The following TRIO variants were observed in gnomAD, a reference collection of about 807,000 sequenced individuals.
TRIO encodes trio Rho guanine nucleotide exchange factor.
A neutral mutation model predicts 351.9 loss-of-function variants in TRIO; 58 were observed. That is an observed-to-expected ratio of 0.16 (90% confidence interval 0.13 to 0.21). The LOEUF is 0.21. TRIO is among the 10% of genes least tolerant of loss of function. The pLI, the probability that TRIO is intolerant of heterozygous loss-of-function variation, is 1.00. For synonymous variants in TRIO, 1,758 were observed against 1,595.7 expected, an observed-to-expected ratio of 1.10 and a Z score of -2.42; for missense variants, 3,201 against 4,027.8, an observed-to-expected ratio of 0.79 and a Z score of 5.56.
intron 1 of TRIO, among the ~76,000 whole-genome samples, chr5:14,222,537 G>A (rs917058586): frequency 6.6e-6 from 1 of 152,164 alleles, no homozygotes; most frequent in Non-Finnish European, 1.5e-5. Context: ...AATAAAAGAA[G>A]CTGGGAAGCT....
At chr5:14,370,774 A>G (rs765811120) in intron 18 of TRIO, among the ~76,000 whole-genome samples, 4 of 152,118 alleles carry the variant, frequency 2.6e-5, no homozygotes, top group Admixed American at 2.6e-4. Context: ...ACATGTCCCT[A>G]CTGCTTAAGT....
Position 14,364,688 on chromosome 5 carries a change from A to C in TRIO, c.2626A>C (p.Thr876Pro). ...LLCDRDVDMA[T>P]RVQDLLEFLH... ...GTGTGATAGAGATGTAGACATGGCA[A>C]CTCGGGTCCAGGACCTGCTGGAGTT... Residue 876 changes from threonine (T) to proline (P), a missense_variant, in exon 15 of 57, where the codon ACT becomes CCT. Coordinates refer to ENST00000344204, the MANE Select transcript of TRIO (RefSeq NM_007118.4). The C allele has an allele frequency of 6.2e-7, 1 of 1,613,896 alleles. No homozygotes were observed. The highest frequency in any genetic ancestry group is 8.5e-7 in the Non-Finnish European group (1 of 1,180,014).
intron 33 of TRIO, among the ~76,000 whole-genome samples, chr5:14,412,852 G>A (rs1749315732): frequency 6.6e-6 from 1 of 152,212 alleles, no homozygotes; most frequent in Non-Finnish European, 1.5e-5. Context: ...GCAATCAAAA[G>A]CGAGGATGTA....
chr5:14,381,870 G>C (rs1206946449), intron 21 of TRIO, among the ~76,000 whole-genome samples: 2 of 152,198 alleles, frequency 1.3e-5, no homozygotes, highest in Admixed American at 1.3e-4. Context: ...CCATATGTGT[G>C]AGTAAATATG....
intron 25 of TRIO, among the ~76,000 whole-genome samples, chr5:14,389,767 G>A (rs1746883758): frequency 6.6e-6 from 1 of 152,176 alleles, no homozygotes; most frequent in African/African-American, 2.4e-5. Context: ...TATAGTAAGA[G>A]AAAGGAACTG....
At position 14,498,719 on chromosome 5, in the gene TRIO, C is replaced by G. The variant is rs942884898; in HGVS notation, c.8332+79C>G. Reference sequence around the variant, plus strand: ...GAGTCTCCTTAAGTCCTGAGTCTGCCCTTACACTCCAAGTGGCCTGAAAGA... The same window carrying G: ...GAGTCTCCTTAAGTCCTGAGTCTGCGCTTACACTCCAAGTGGCCTGAAAGA... On this transcript the variant is annotated intron_variant, in intron 53 of 56. Transcript: ENST00000344204. 118 of 1,571,474 alleles carry G rather than the reference C, an allele frequency of 7.5e-5. 2 individuals carry two copies. In the East Asian group the frequency reaches 2.6e-3, roughly 35 times the overall value.
chr5:14,378,152 C>T, intron 20 of TRIO, 25 bp downstream of exon 20: 2 of 1,567,772 alleles, frequency 1.3e-6, no homozygotes, highest in South Asian at 1.1e-5. Flanking sequence ...GGTGCCCAGC[C>T]TCCCCCTAAA....
intron 35 of TRIO, among the ~76,000 whole-genome samples, chr5:14,461,866 G>T (rs2126502024): frequency 6.6e-6 from 1 of 152,348 alleles, no homozygotes; most frequent in East Asian, 1.9e-4. Context: ...TGTTGACCCA[G>T]TAGTAAACAT....
At chr5:14,424,326 A>G (rs1400573226) in intron 34 of TRIO, among the ~76,000 whole-genome samples, 2 of 152,172 alleles carry the variant, frequency 1.3e-5, no homozygotes, top group African/African-American at 4.8e-5. Context: ...AAATATGTCT[A>G]GAAGAAAACA....
chr5:14,301,152 T>C (rs772998521), intron 7 of TRIO, among the ~76,000 whole-genome samples: 40 of 152,118 alleles, frequency 2.6e-4, no homozygotes, highest in Non-Finnish European at 5.1e-4. Flanking sequence ...CTGTTAATTA[T>C]TTATCCAAGT....
intron 17 of TRIO, 109 bp downstream of exon 17, chr5:14,369,008 G>T (rs1744842943): frequency 7.4e-7 from 1 of 1,357,170 alleles, no homozygotes; most frequent in African/African-American, 1.4e-5. Context: ...GAAACAATCA[G>T]TTGCCAGTCA....
intron 1 of TRIO, among the ~76,000 whole-genome samples, chr5:14,234,573 C>T (rs1463273402): frequency 6.6e-6 from 1 of 152,078 alleles, no homozygotes; most frequent in Non-Finnish European, 1.5e-5. Context: ...TCTGTACTTA[C>T]AGAAGCAATA....
chr5:14,184,319 G>T (rs1405455939), intron 1 of TRIO, among the ~76,000 whole-genome samples: 1 of 152,246 alleles, frequency 6.6e-6, no homozygotes, highest in African/African-American at 2.4e-5. Flanking sequence ...AGCTGCTGCA[G>T]TGATGTGTCC....
At chr5:14,427,592 G>A (rs887166698) in intron 34 of TRIO, among the ~76,000 whole-genome samples, 58 of 152,246 alleles carry the variant, frequency 3.8e-4, no homozygotes, top group African/African-American at 1.3e-3. Flanking sequence ...CCCACCCAGG[G>A]CAGTTGACAG....
At chr5:14,296,303 A>G (rs193122593) in intron 6 of TRIO, among the ~76,000 whole-genome samples, 24 of 152,352 alleles carry the variant, frequency 1.6e-4, no homozygotes, top group Non-Finnish European at 3.1e-4. Context: ...GATTTGCTGA[A>G]GGTCTGAATC....
intron 17 of TRIO, 75 bp downstream of exon 17, chr5:14,368,974 A>G (rs1159937214): frequency 1.3e-6 from 2 of 1,487,068 alleles, no homozygotes; most frequent in Non-Finnish European, 1.8e-6. Context: ...CAGCTCAATC[A>G]TTGTTAACAT....
Position 14,456,092 on chromosome 5 carries a change from C to G in TRIO, c.5204-4927C>G, listed in dbSNP as rs536700111. ...GCAGTGCTGGGGGACCCGGCACACC[C>G]TCTGCAGCTGCTGGCCCAGGTGCTA... On this transcript the variant is annotated intron_variant, in intron 34 of 56. Coordinates refer to ENST00000344204, the MANE Select transcript of TRIO (RefSeq NM_007118.4). Among the ~76,000 whole-genome samples, 226 of 152,380 alleles carry G rather than the reference C, an allele frequency of 1.5e-3. 1 individual carries two copies. Among genetic ancestry groups the G allele is most frequent in the Non-Finnish European group, 2.1e-3 (144 of 68,032 alleles).
intron 1 of TRIO, among the ~76,000 whole-genome samples, chr5:14,236,841 C>A (rs1209792158): frequency 2.0e-5 from 3 of 152,176 alleles, no homozygotes; most frequent in African/African-American, 7.2e-5. Context: ...CTTCACCCCT[C>A]CAGCCTCCCC....
intron 9 of TRIO, among the ~76,000 whole-genome samples, chr5:14,319,191 C>A (rs1739650198): frequency 6.6e-6 from 1 of 152,116 alleles, no homozygotes; most frequent in East Asian, 1.9e-4. Context: ...TTTTGCAATA[C>A]ACATAATGCA....
Sources: gnomAD v4.1 joint callset for allele counts (sites outside exome capture counted in the v4.1 genomes callset) on GRCh38, gnomAD v4.1.1 for gene constraint, MANE v1.5 for transcripts, NCBI Gene and HGNC (gene_info 2026-07-23, HGNC 2026-07-21) for gene names.